Variants in LOC400499 observed in about 807,000 individuals in gnomAD.
At chr16:11,514,206 T>G in the LOC400499 span, among the ~76,000 whole-genome samples, 1 of 151,962 alleles carries the variant, frequency 6.6e-6, no homozygotes, top group African/African-American at 2.4e-5. Flanking sequence ...CTTCTAGAAG[T>G]GGCTAACTCT....
At chr16:11,505,052 T>C in the LOC400499 span, among the ~76,000 whole-genome samples, 1 of 151,900 alleles carries the variant, frequency 6.6e-6, no homozygotes, top group Non-Finnish European at 1.5e-5. Flanking sequence ...CAGGGGCCGG[T>C]GGCCGCATGC....
the LOC400499 span, among the ~76,000 whole-genome samples, chr16:11,482,277 G>A: frequency 4.6e-5 from 7 of 152,142 alleles, no homozygotes; most frequent in Non-Finnish European, 1.0e-4. Context: ...GCTGAGCCAG[G>A]GGACTCCCTG....
the LOC400499 span, chr16:11,404,598 C>G: frequency 5.0e-6 from 2 of 396,594 alleles, no homozygotes; most frequent in Non-Finnish European, 8.9e-6. Context: ...CTACCCACCT[C>G]GGCCTCCCAA....
chr16:11,431,247 G>A, the LOC400499 span: 5 of 398,972 alleles, frequency 1.3e-5, no homozygotes, highest in Admixed American at 4.4e-5. Context: ...GCGAAGTAAG[G>A]GGGTTAAGAT....
the LOC400499 span, among the ~76,000 whole-genome samples, chr16:11,441,421 G>C: frequency 6.6e-6 from 1 of 152,116 alleles, no homozygotes; most frequent in Non-Finnish European, 1.5e-5. Flanking sequence ...ATAAATATTT[G>C]GACAAATGCA....
the LOC400499 span, chr16:11,399,543 G>T: frequency 2.5e-6 from 1 of 398,820 alleles, no homozygotes; most frequent in Non-Finnish European, 4.4e-6. Context: ...AACACAGCTG[G>T]GGTCTGCGTG....
At chr16:11,379,316 CTACAGTGTTTGCTTAA>C in the LOC400499 span, among the ~76,000 whole-genome samples, 1 of 152,186 alleles carries the variant, frequency 6.6e-6, no homozygotes, top group Non-Finnish European at 1.5e-5. Flanking sequence ...TCCTTTCATT[CTACAGTGTTTGCTTAA>C]TATATTTAGG....
the LOC400499 span, among the ~76,000 whole-genome samples, chr16:11,413,174 G>C: frequency 2.0e-5 from 3 of 152,174 alleles, no homozygotes; most frequent in East Asian, 5.8e-4. Context: ...GGACCTCAAA[G>C]GACAGCTGCA....
the LOC400499 span, among the ~76,000 whole-genome samples, chr16:11,455,405 C>T: frequency 0.015 from 2,299 of 152,096 alleles, 23 homozygotes; most frequent in Non-Finnish European, 0.026. Flanking sequence ...GAAAAAATGG[C>T]TAAAAGAATT....
the LOC400499 span, among the ~76,000 whole-genome samples, chr16:11,386,185 G>C: frequency 2.8e-4 from 43 of 152,224 alleles, 2 homozygotes; most frequent in Admixed American, 1.1e-3. Context: ...CTTCAGGGTA[G>C]GGAACAGATG....
At chr16:11,389,991 C>T in the LOC400499 span, 9 of 591,206 alleles carry the variant, frequency 1.5e-5, no homozygotes, top group Non-Finnish European at 2.5e-6. Flanking sequence ...AGAGAAGAAG[C>T]CCCTGGGCAG....
At chr16:11,423,233 C>G in the LOC400499 span, 1 of 399,218 alleles carries the variant, frequency 2.5e-6, no homozygotes. Context: ...GCTGGGTGGG[C>G]GAGGCGTCTC....
chr16:11,515,561 G>C, the LOC400499 span, among the ~76,000 whole-genome samples: 11 of 151,650 alleles, frequency 7.3e-5, no homozygotes, highest in Non-Finnish European at 2.9e-5. Flanking sequence ...TTTCTTGAAG[G>C]AAAGAGGAGA....
the LOC400499 span, chr16:11,450,665 C>G: frequency 5.9e-6 from 9 of 1,536,022 alleles, no homozygotes; most frequent in Admixed American, 3.9e-5. Flanking sequence ...CTGTTGGGGC[C>G]CTGACTCCTG....
At chr16:11,444,170 G>T in the LOC400499 span, among the ~76,000 whole-genome samples, 1 of 152,150 alleles carries the variant, frequency 6.6e-6, no homozygotes, top group African/African-American at 2.4e-5. Context: ...GGTGAGGCAA[G>T]AGGATCCCCT....
At chr16:11,397,773 T>TGGATGGAG in the LOC400499 span, among the ~76,000 whole-genome samples, 1 of 34,684 alleles carries the variant, frequency 2.9e-5, no homozygotes, top group Non-Finnish European at 5.2e-5. Context: ...GAGGGAGGGA[T>TGGATGGAG]GGAGGGAGGG....
the LOC400499 span, chr16:11,414,600 T>C: frequency 5.0e-6 from 2 of 399,106 alleles, no homozygotes; most frequent in Non-Finnish European, 8.8e-6. Context: ...GGCCATGCCC[T>C]GTGGCCCTCA....
the LOC400499 span, among the ~76,000 whole-genome samples, chr16:11,479,584 C>T: frequency 6.6e-6 from 1 of 152,188 alleles, no homozygotes; most frequent in South Asian, 2.1e-4. Context: ...GATCATGCCA[C>T]TATACTCCAG....
the LOC400499 span, chr16:11,398,312 G>A: frequency 1.6e-6 from 2 of 1,231,778 alleles, no homozygotes; most frequent in Non-Finnish European, 1.0e-6. Context: ...TGGGTCCCTG[G>A]TCCTCCAGCT....
Sources: gnomAD v4.1 joint callset for allele counts (sites outside exome capture counted in the v4.1 genomes callset) on GRCh38, gnomAD v4.1.1 for gene constraint, MANE v1.5 for transcripts.